AQP7: variants seen among roughly 807,000 people sequenced by gnomAD.
AQP7 encodes the protein aquaporin-7.
Under a neutral mutation model 26.1 loss-of-function variants are expected in AQP7, and 22 were observed. The ratio of observed to expected loss-of-function variants is 0.84; its 90% CI spans 0.60 to 1.20. The LOEUF (loss-of-function observed/expected upper bound fraction) is 1.20, where lower values mean the gene tolerates loss of function less well. Among genes scored for constraint, AQP7 ranks in the 50% most tolerant of loss-of-function variants. The probability of loss-of-function intolerance (pLI) is 0.00; values close to 1 mark genes in which losing one functional copy is unlikely to be tolerated. For synonymous variants in AQP7, 167 were observed against 181.7 expected (o/e 0.92, Z 0.65); for missense variants, 412 against 457.5 (o/e 0.90, Z 0.91).
intron 2 of AQP7, among the ~76,000 whole-genome samples, chr9:33,397,256 G>C (rs748187885): frequency 6.6e-6 from 1 of 151,806 alleles, no homozygotes; most frequent in Non-Finnish European, 1.5e-5. Context: ...GTTGCCTGCC[G>C]TGTGCTGATG....
chr9:33,389,823 G>A (rs904466757), intron 3 of AQP7, among the ~76,000 whole-genome samples: 2 of 152,004 alleles, frequency 1.3e-5, no homozygotes, highest in African/African-American at 4.8e-5. Context: ...GATCACTTTA[G>A]GTCAGGAGTT....
intron 2 of AQP7, chr9:33,400,949 C>T: frequency 4.1e-6 from 2 of 490,070 alleles, no homozygotes; most frequent in Admixed American, 3.2e-5. Context: ...GACAGCTGAG[C>T]CTGAGAGGGT....
intron 3 of AQP7, among the ~76,000 whole-genome samples, chr9:33,388,825 T>C (rs1422736009): frequency 6.6e-6 from 1 of 152,186 alleles, no homozygotes; most frequent in Non-Finnish European, 1.5e-5. Context: ...TGCTGCTCCA[T>C]GCATGCCTTG....
chr9:33,389,290 A>G (rs1825162366), intron 3 of AQP7, among the ~76,000 whole-genome samples: 1 of 152,074 alleles, frequency 6.6e-6, no homozygotes, highest in East Asian at 1.9e-4. Context: ...TGGCCTCCCA[A>G]AGTCCTGGGA....
At chr9:33,399,873 C>T (rs1452492399) in intron 2 of AQP7, among the ~76,000 whole-genome samples, 1 of 151,980 alleles carries the variant, frequency 6.6e-6, no homozygotes, top group Non-Finnish European at 1.5e-5. Context: ...GGAAGCTGTG[C>T]ACATTCTAGA....
intron 3 of AQP7, among the ~76,000 whole-genome samples, chr9:33,392,677 A>G (rs1190803572): frequency 2.6e-5 from 4 of 152,172 alleles, no homozygotes; most frequent in Non-Finnish European, 5.9e-5. Context: ...GTCTTGTGAT[A>G]AGATCATTAC....
chr9:33,396,438 CAAAAA>C (rs3055483), intron 2 of AQP7, among the ~76,000 whole-genome samples: 2 of 30,890 alleles, frequency 6.5e-5, no homozygotes, highest in South Asian at 1.4e-3. Flanking sequence ...GACTCCATCT[CAAAAA>C]AAAAAAAAAA....
At chr9:33,399,708 G>A (rs1826109310) in intron 2 of AQP7, among the ~76,000 whole-genome samples, 2 of 152,164 alleles carry the variant, frequency 1.3e-5, no homozygotes, top group Non-Finnish European at 2.9e-5. Flanking sequence ...TAATGGAAGA[G>A]ATGGGTAATG....
intron 2 of AQP7, among the ~76,000 whole-genome samples, chr9:33,400,081 T>A (rs1826148268): frequency 6.6e-6 from 1 of 151,822 alleles, no homozygotes; most frequent in Non-Finnish European, 1.5e-5. Context: ...CACCAGTGGG[T>A]CTCTAGAAAC....
chr9:33,394,831 C>T (rs192508437), intron 3 of AQP7, among the ~76,000 whole-genome samples: 4 of 152,192 alleles, frequency 2.6e-5, no homozygotes, highest in African/African-American at 9.6e-5. Flanking sequence ...TTTCCCTTCT[C>T]CCCATTTCCA....
At position 33,401,699 on chromosome 9, in the gene AQP7, GCA is replaced by G. The variant is rs3036353; in HGVS notation, c.-25-414_-25-413del. 1,823 of 221,408 alleles carry G rather than the reference GCA, an allele frequency of 8.2e-3. 4 individuals carry two copies. Among genetic ancestry groups the G allele is most frequent in the Admixed American group, 0.018 (360 of 20,398 alleles). 13.7% of individuals were successfully genotyped at this position (221,408 alleles called of 1,614,324 possible). Reference sequence around the variant, plus strand: ...TGCACACACACACACATGCACGCATGCACACACACACACACAGAAGGTGAACA... The same window carrying G: ...TGCACACACACACACATGCACGCATGCACACACACACACAGAAGGTGAACA... On this transcript the variant is annotated intron_variant, in intron 1 of 7. Coordinates refer to ENST00000297988, the MANE Select transcript of AQP7 (RefSeq NM_001170.3).
In AQP7 at chr9:33,384,810, G is replaced by C; in HGVS notation, c.*195C>G. The C allele has an allele frequency of 1.6e-6, 1 of 627,188 alleles. No homozygotes were observed. Among genetic ancestry groups the C allele is most frequent in the Admixed American group, 2.8e-5 (1 of 35,854 alleles). 38.9% of individuals were successfully genotyped at this position (627,188 alleles called of 1,614,324 possible). ...TCATCTCTTCCCCATTCTCCCCCTG[G>C]GGCACCCCAGTTCCCAGGGCATGAA... is the stretch of plus-strand genomic sequence containing the variant. On this transcript the variant is annotated 3_prime_UTR_variant, in exon 8 of 8. Coordinates refer to ENST00000297988, the MANE Select transcript of AQP7 (RefSeq NM_001170.3).
chr9:33,388,244 C>T (rs1045369071), intron 3 of AQP7, among the ~76,000 whole-genome samples: 1 of 152,194 alleles, frequency 6.6e-6, no homozygotes, highest in Non-Finnish European at 1.5e-5. Flanking sequence ...TCACAGCACA[C>T]CTGCTCCTCA....
intron 2 of AQP7, among the ~76,000 whole-genome samples, chr9:33,399,027 G>C (rs921402340): frequency 6.6e-6 from 1 of 150,474 alleles, no homozygotes; most frequent in African/African-American, 2.4e-5. Context: ...CTGAAGTGCG[G>C]TGGTGGCACA....
intron 6 of AQP7, 42 bp downstream of exon 6, chr9:33,386,035 G>T (rs777059994): frequency 3.1e-6 from 5 of 1,610,868 alleles, no homozygotes; most frequent in Non-Finnish European, 4.2e-6. Context: ...CGTCCTGAGG[G>T]GTGGAGGGCA....
chr9:33,385,397 C>T (rs1435424912), intron 7 of AQP7, 107 bp from the exon 8 acceptor site: 4 of 1,338,418 alleles, frequency 3.0e-6, no homozygotes, highest in Non-Finnish European at 2.0e-6. Flanking sequence ...CCCAGGCTAC[C>T]CCAGGAAACA....
chr9:33,397,100 CAAAAA>C (rs35294363), intron 2 of AQP7, among the ~76,000 whole-genome samples: 1 of 78,232 alleles, frequency 1.3e-5, no homozygotes, highest in African/African-American at 4.8e-5. Flanking sequence ...CACCCTGTCT[CAAAAA>C]AAAAAAAAAA....
At chr9:33,395,273 C>A in intron 2 of AQP7, 78 bp from the exon 3 acceptor site, 2 of 1,267,986 alleles carry the variant, frequency 1.6e-6, no homozygotes, top group Admixed American at 3.7e-5. Context: ...CAACTCCCAG[C>A]TGAGTTAATA....
At chr9:33,400,928 T>C in intron 2 of AQP7, 1 of 426,554 alleles carries the variant, frequency 2.3e-6, no homozygotes, top group Non-Finnish European at 4.3e-6. Context: ...CTGGCTCTTG[T>C]TCACCCCAAA....
Sources: gnomAD v4.1 joint callset for allele counts (sites outside exome capture counted in the v4.1 genomes callset) on GRCh38, gnomAD v4.1.1 for gene constraint, MANE v1.5 for transcripts, NCBI Gene and HGNC (gene_info 2026-07-23, HGNC 2026-07-21) for gene names.